Variants in PRUNE2 observed in about 807,000 individuals in gnomAD.
PRUNE2 encodes the protein protein prune homolog 2.
Under a neutral mutation model 252.0 loss-of-function variants are expected in PRUNE2, and 164 were observed. The observed-to-expected ratio is 0.65, with a 90% confidence interval of 0.57 to 0.74. PRUNE2 has a LOEUF of 0.74. Among genes scored for constraint, PRUNE2 ranks in the 30% least tolerant of loss-of-function variants. The probability of loss-of-function intolerance (pLI) is 0.00; values close to 1 mark genes in which losing one functional copy is unlikely to be tolerated. For missense variants in PRUNE2, 3,495 were observed against 3,711.0 expected (o/e 0.94, Z 1.51); for synonymous variants, 1,292 against 1,350.2 (o/e 0.96, Z 0.94).
chr9:76,815,464 C>T (rs2057627648), intron 6 of PRUNE2, among the ~76,000 whole-genome samples: 1 of 152,166 alleles, frequency 6.6e-6, no homozygotes, highest in Non-Finnish European at 1.5e-5. Context: ...ACCGCATATT[C>T]ACATGGCAAA....
chr9:76,634,415 A>T (rs1226674182), intron 15 of PRUNE2, among the ~76,000 whole-genome samples: 2 of 152,226 alleles, frequency 1.3e-5, no homozygotes, highest in South Asian at 4.1e-4. Flanking sequence ...AACCTAACAT[A>T]GTATGTAAAC....
chr9:76,742,424 G>A (rs2049717070), intron 6 of PRUNE2, among the ~76,000 whole-genome samples: 1 of 152,080 alleles, frequency 6.6e-6, no homozygotes, highest in Admixed American at 6.6e-5. Context: ...GACCCAGCCT[G>A]GGCAACATAG....
In PRUNE2 at chr9:76,877,303, G is replaced by A. The variant is rs545204429; in HGVS notation, c.37-23095C>T. ...ACAGATTGTCTAAGCTCAGGAGTTCGAGACCAGCCTGGGCAACATGGCGAA... is the reference window on the plus strand; with the variant it reads ...ACAGATTGTCTAAGCTCAGGAGTTCAAGACCAGCCTGGGCAACATGGCGAA... On this transcript the variant is annotated intron_variant, in intron 1 of 18. Coordinates refer to ENST00000376718, the MANE Select transcript of PRUNE2 (RefSeq NM_015225.3). 3.3e-5 allele frequency among the ~76,000 whole-genome samples: 5 copies of A among 152,034 alleles called. No homozygotes were observed. The South Asian group carries it at 6.2e-4, about 19-fold the overall frequency.
At chr9:76,795,192 G>A (rs1008041819) in intron 6 of PRUNE2, among the ~76,000 whole-genome samples, 3 of 152,108 alleles carry the variant, frequency 2.0e-5, no homozygotes, top group African/African-American at 7.2e-5. Context: ...CTCTAGCTAG[G>A]TCTCAGTATC....
chr9:76,619,469 G>T, intron 17 of PRUNE2, 82 bp from the exon 18 acceptor site: 1 of 941,592 alleles, frequency 1.1e-6, no homozygotes, highest in Non-Finnish European at 1.7e-6. Flanking sequence ...TGAGGCATTT[G>T]AAACTGTTTA....
Position 76,833,537 on chromosome 9 carries a change from G to A in PRUNE2, c.509-6805C>T, listed in dbSNP as rs555383492. ...TCCCCGCACTTTGGGAGGCTGAGGT[G>A]GGCGGATCACGAAGTCAGGAGATCG... On this transcript the variant is annotated intron_variant, in intron 4 of 18. Transcript: ENST00000376718. Among the ~76,000 whole-genome samples the A allele has an allele frequency of 4.4e-3, 667 of 152,044 alleles. 7 individuals carry two copies. The highest frequency in any genetic ancestry group is 0.016 in the African/African-American group (646 of 41,494).
chr9:76,720,219 T>C (rs1195561775), intron 6 of PRUNE2, among the ~76,000 whole-genome samples: 2 of 152,224 alleles, frequency 1.3e-5, no homozygotes, highest in Non-Finnish European at 2.9e-5. Flanking sequence ...AAAAGTAGAA[T>C]GTCATTTCTA....
intron 6 of PRUNE2, among the ~76,000 whole-genome samples, chr9:76,723,207 G>A (rs7026237): frequency 0.69 from 104,632 of 151,984 alleles, 36,385 homozygotes; most frequent in East Asian, 0.91. Context: ...TCTTGCAGTA[G>A]TATGTACTTT....
At chr9:76,850,335 C>A in intron 3 of PRUNE2, 128 bp downstream of exon 3, 1 of 736,898 alleles carries the variant, frequency 1.4e-6, no homozygotes, top group South Asian at 1.7e-5. Flanking sequence ...GCGTGAGCCA[C>A]CATGACCAGC....
rs756467343 is a variant in PRUNE2, at chr9:76,629,226, T to C, written c.9115A>G (p.Met3039Val). 104 of 1,607,148 alleles carry C rather than the reference T, an allele frequency of 6.5e-5. No homozygotes were observed. In the East Asian group the frequency reaches 1.5e-3, roughly 23 times the overall value. The change falls in exon 16 of 19, where the codon ATG becomes GTG. Residue 3039 changes from methionine (M) to valine (V), a missense_variant. Physicochemically the swap from Met to Val is conservative, Grantham distance 21 (BLOSUM62 1). Coordinates refer to ENST00000376718, the MANE Select transcript of PRUNE2 (RefSeq NM_015225.3). ...CTCTCTGGAATGTGGATGCAATCCATTGGGATCAGCCCACTGAGTTCTGAT... is the reference window on the plus strand; with the variant it reads ...CTCTCTGGAATGTGGATGCAATCCACTGGGATCAGCCCACTGAGTTCTGAT... ...SLSELSGLIP[M>V]DCIHIPESII...
At position 76,826,873 on chromosome 9, in the gene PRUNE2, A is replaced by G. The variant is rs1257958866; in HGVS notation, c.509-141T>C. Reference sequence around the variant, plus strand: ...TGGACCAGAGTCCTCCACACGTAACATTCAAGAGCCAATTTTTAGAAAACA... The same window carrying G: ...TGGACCAGAGTCCTCCACACGTAACGTTCAAGAGCCAATTTTTAGAAAACA... On this transcript the variant is annotated intron_variant, in intron 4 of 18. Coordinates refer to ENST00000376718, the MANE Select transcript of PRUNE2 (RefSeq NM_015225.3). The G allele has an allele frequency of 2.1e-5, 13 of 608,064 alleles. No homozygotes were observed. In the East Asian group the frequency reaches 3.7e-4, roughly 17 times the overall value. The allele number at this position is 608,064 out of a possible 1,614,324, so 37.7% of individuals were successfully genotyped here.
At position 76,629,381 on chromosome 9, in the gene PRUNE2, T is replaced by A. The variant is rs988244787; in HGVS notation, c.9051-91A>T. On this transcript the variant is annotated intron_variant, in intron 15 of 18. Coordinates refer to ENST00000376718, the MANE Select transcript of PRUNE2 (RefSeq NM_015225.3). ...GCCTTTTCTTGAAAATCCTGATACT[T>A]AACACCTTGCCACAGCACTCTTACT... The A allele has an allele frequency of 1.1e-5, 7 of 633,514 alleles. No individual in the cohort carries two copies. The African/African-American group carries it at 1.3e-4, about 12-fold the overall frequency. 39.2% of individuals were successfully genotyped at this position (633,514 alleles called of 1,614,324 possible). A position where few individuals can be genotyped will look rare whatever the true frequency, so the allele number is the denominator to read the frequency against.
intron 17 of PRUNE2, 38 bp from the exon 18 acceptor site, chr9:76,619,425 C>T (rs1347655401): frequency 2.1e-6 from 3 of 1,460,928 alleles, no homozygotes; most frequent in Non-Finnish European, 2.9e-6. Flanking sequence ...GTCAACATTT[C>T]CCCACTGTCA....
At chr9:76,634,739 GATTT>G (rs1839249292) in intron 15 of PRUNE2, among the ~76,000 whole-genome samples, 1 of 152,134 alleles carries the variant, frequency 6.6e-6, no homozygotes, top group South Asian at 2.1e-4. Context: ...TAAACTGATT[GATTT>G]GTCTAAAGTT....
chr9:76,820,540 A>G (rs2131900438), intron 6 of PRUNE2, among the ~76,000 whole-genome samples: 1 of 152,332 alleles, frequency 6.6e-6, no homozygotes, highest in South Asian at 2.1e-4. Context: ...AGCCGTATAA[A>G]GGCCATGACT....
At chr9:76,851,389 T>C (rs1351496293) in intron 2 of PRUNE2, among the ~76,000 whole-genome samples, 2 of 151,980 alleles carry the variant, frequency 1.3e-5, no homozygotes, top group African/African-American at 2.4e-5. Flanking sequence ...CTACTAAAAA[T>C]ACAAAAAAAT....
chr9:76,850,969 A>C (rs1296060347), intron 2 of PRUNE2, among the ~76,000 whole-genome samples: 6 of 152,042 alleles, frequency 3.9e-5, no homozygotes, highest in Admixed American at 3.9e-4. Context: ...TTAAAATTTA[A>C]ATAGATAACA....
intron 1 of PRUNE2, among the ~76,000 whole-genome samples, chr9:76,870,874 C>CGGCA (rs1349629935): frequency 1.3e-5 from 2 of 151,950 alleles, no homozygotes; most frequent in Non-Finnish European, 2.9e-5. Flanking sequence ...AATAACAATA[C>CGGCA]GGCAGCAAAG....
intron 6 of PRUNE2, among the ~76,000 whole-genome samples, chr9:76,807,051 T>TGTGTGTGTGTGTGCGCGC (rs60768420): frequency 1.4e-4 from 19 of 139,452 alleles, no homozygotes; most frequent in African/African-American, 4.7e-4. Context: ...TGTGTGTGTG[T>TGTGTGTGTGTGTGCGCGC]GCGCGCGCGC....
Sources: gnomAD v4.1 joint callset for allele counts (sites outside exome capture counted in the v4.1 genomes callset) on GRCh38, gnomAD v4.1.1 for gene constraint, MANE v1.5 for transcripts, NCBI Gene and HGNC (gene_info 2026-07-23, HGNC 2026-07-21) for gene names.